STRN3: variants seen among roughly 807,000 people sequenced by gnomAD.
STRN3 encodes the protein striatin 3.
STRN3 carries 29 observed loss-of-function variants against 95.6 expected under a neutral mutation model. The ratio of observed to expected loss-of-function variants is 0.30; its 90% CI spans 0.23 to 0.41. The LOEUF is 0.41. Among genes scored for constraint, STRN3 ranks in the 10% least tolerant of loss-of-function variants. The probability of loss-of-function intolerance (pLI) is 1.00; values close to 1 mark genes in which losing one functional copy is unlikely to be tolerated. For missense variants in STRN3, 890 were observed against 972.1 expected (o/e 0.92, Z 1.12); for synonymous variants, 331 against 357.6 (o/e 0.93, Z 0.84).
At chr14:30,970,335 G>C (rs1264772117) in intron 1 of STRN3, among the ~76,000 whole-genome samples, 2 of 152,162 alleles carry the variant, frequency 1.3e-5, no homozygotes, top group East Asian at 1.9e-4. Flanking sequence ...CCCCGATGTA[G>C]AGCTTTTATG....
intron 13 of STRN3, among the ~76,000 whole-genome samples, chr14:30,907,798 T>C (rs1241889869): frequency 6.6e-6 from 1 of 152,184 alleles, no homozygotes; most frequent in Non-Finnish European, 1.5e-5. Flanking sequence ...ATTTTATTTA[T>C]CTGTTCCTTA....
At chr14:30,906,537 G>C (rs954998747) in intron 14 of STRN3, among the ~76,000 whole-genome samples, 1 of 152,178 alleles carries the variant, frequency 6.6e-6, no homozygotes, top group Non-Finnish European at 1.5e-5. Flanking sequence ...AGGTATGCTT[G>C]AGACTGTGAT....
intron 7 of STRN3, 90 bp from the exon 8 acceptor site, chr14:30,929,401 A>C (rs1012385059): frequency 5.1e-5 from 50 of 987,546 alleles, no homozygotes; most frequent in Non-Finnish European, 6.8e-5. Flanking sequence ...ACATAATCAT[A>C]ATAAAATGTA....
intron 1 of STRN3, among the ~76,000 whole-genome samples, chr14:30,984,731 T>A (rs1295149086): frequency 1.3e-5 from 2 of 151,904 alleles, no homozygotes; most frequent in South Asian, 4.2e-4. Flanking sequence ...TGAGCCAAGA[T>A]TGCACCACTG....
At chr14:31,025,532 CAA>C in intron 1 of STRN3, 2 of 263,810 alleles carry the variant, frequency 7.6e-6, no homozygotes, top group Non-Finnish European at 1.5e-5. Flanking sequence ...GAGGAACAAA[CAA>C]GAGCAAACTC....
At chr14:30,949,338 T>C (rs1470796756) in intron 4 of STRN3, among the ~76,000 whole-genome samples, 2 of 152,138 alleles carry the variant, frequency 1.3e-5, no homozygotes, top group Non-Finnish European at 2.9e-5. Flanking sequence ...AGAGGCCAGG[T>C]GCGGTGGCTC....
chr14:30,915,214 T>C (rs1896708426), intron 9 of STRN3, among the ~76,000 whole-genome samples: 1 of 152,152 alleles, frequency 6.6e-6, no homozygotes, highest in Non-Finnish European at 1.5e-5. Context: ...ACAACAGGTG[T>C]AATGAAACTT....
chr14:30,903,592 G>T (rs1896383117), intron 15 of STRN3, among the ~76,000 whole-genome samples: 1 of 152,100 alleles, frequency 6.6e-6, no homozygotes, highest in African/African-American at 2.4e-5. Context: ...TAGAGATGGG[G>T]TCTCACTATG....
intron 15 of STRN3, 27 bp from the exon 16 acceptor site, chr14:30,902,670 T>A: frequency 2.1e-6 from 3 of 1,437,510 alleles, no homozygotes; most frequent in Non-Finnish European, 2.9e-6. Flanking sequence ...GACAATAAGT[T>A]AAAATTCAAA....
At chr14:30,941,908 G>C (rs965570970) in intron 5 of STRN3, among the ~76,000 whole-genome samples, 1 of 151,984 alleles carries the variant, frequency 6.6e-6, no homozygotes, top group Non-Finnish European at 1.5e-5. Context: ...TTACAGGCGT[G>C]AGCCACCATG....
chr14:30,991,929 A>AG (rs1209942750), intron 1 of STRN3, among the ~76,000 whole-genome samples: 1 of 149,358 alleles, frequency 6.7e-6, no homozygotes, highest in East Asian at 1.9e-4. Flanking sequence ...CTATTCTTTA[A>AG]AAAAAAAAAA....
At chr14:30,918,487 A>C (rs1997904) in intron 9 of STRN3, among the ~76,000 whole-genome samples, 131,315 of 150,792 alleles carry the variant, frequency 0.87, 57,389 homozygotes, top group East Asian at 0.98. Flanking sequence ...CCAGCCTGGG[A>C]GACAGAGTGA....
At position 30,902,525 on chromosome 14, in the gene STRN3, A is replaced by T. The variant is rs1410612974; in HGVS notation, c.2137+11T>A. The T allele has an allele frequency of 6.5e-7, 1 of 1,535,878 alleles. No homozygotes were observed. Among genetic ancestry groups the T allele is most frequent in the Admixed American group, 1.9e-5 (1 of 53,762 alleles). On this transcript the variant is annotated intron_variant, in intron 16 of 17. Coordinates refer to ENST00000357479, the MANE Select transcript of STRN3 (RefSeq NM_001083893.2). ...AGTATTACTAATATGAAAAGAAGAC[A>T]ATTTGCTTACCCGTTTTATTGTCAA...
At chr14:31,021,030 G>C (rs565804415) in intron 1 of STRN3, among the ~76,000 whole-genome samples, 28 of 152,090 alleles carry the variant, frequency 1.8e-4, no homozygotes, top group Non-Finnish European at 4.0e-4. Context: ...AATCATGCTG[G>C]AATCAATAAA....
At chr14:31,005,878 G>A (rs1464365248) in intron 1 of STRN3, among the ~76,000 whole-genome samples, 1 of 152,140 alleles carries the variant, frequency 6.6e-6, no homozygotes, top group Admixed American at 6.5e-5. Flanking sequence ...AGTACTTTGG[G>A]AGGCCAAAGC....
intron 9 of STRN3, among the ~76,000 whole-genome samples, chr14:30,915,205 C>A (rs1291922100): frequency 6.6e-6 from 1 of 151,990 alleles, no homozygotes; most frequent in Non-Finnish European, 1.5e-5. Flanking sequence ...ACAGGAAACA[C>A]AACAGGTGTA....
intron 1 of STRN3, among the ~76,000 whole-genome samples, chr14:31,002,038 T>C (rs537313924): frequency 1.3e-4 from 20 of 151,632 alleles, no homozygotes; most frequent in Non-Finnish European, 2.4e-4. Context: ...TGGTGGTGCA[T>C]GGCTGTAATC....
chr14:30,994,151 C>T (rs1436304219), intron 1 of STRN3, among the ~76,000 whole-genome samples: 1 of 152,102 alleles, frequency 6.6e-6, no homozygotes, highest in Non-Finnish European at 1.5e-5. Context: ...GCTGGGATTA[C>T]AGGTATGAGC....
chr14:30,955,385 T>C (rs1033118550), intron 3 of STRN3, among the ~76,000 whole-genome samples: 1 of 152,198 alleles, frequency 6.6e-6, no homozygotes, highest in South Asian at 2.1e-4. Flanking sequence ...CTACCATAAA[T>C]GCAACCACAC....
Sources: allele counts gnomAD v4.1 joint callset (sites outside exome capture counted in the v4.1 genomes callset), GRCh38; gene constraint gnomAD v4.1.1; transcripts MANE v1.5; gene names NCBI Gene and HGNC (gene_info 2026-07-23, HGNC 2026-07-21).